Variants in CRPPA observed in about 807,000 individuals in gnomAD.
CRPPA encodes CDP-L-ribitol pyrophosphorylase A.
CRPPA carries 43 observed loss-of-function variants against 52.0 expected under a neutral mutation model. That is an observed-to-expected ratio of 0.83 (90% confidence interval 0.65 to 1.07). CRPPA has a LOEUF of 1.07. Among genes scored for constraint, CRPPA ranks in the 50% least tolerant of loss-of-function variants. CRPPA has a pLI of 0.00. For missense variants in CRPPA, 629 were observed against 551.7 expected, an observed-to-expected ratio of 1.14 and a Z score of -1.40; for synonymous variants, 250 against 203.5, an observed-to-expected ratio of 1.23 and a Z score of -1.94.
At chr7:16,419,681 C>G (rs112796046) in intron 1 of CRPPA, among the ~76,000 whole-genome samples, 5,567 of 152,114 alleles carry the variant, frequency 0.037, 180 homozygotes, top group African/African-American at 0.094. Flanking sequence ...AGTAATCTGT[C>G]TCAACCAGTT....
At chr7:16,389,028 A>C (rs1251515227) in intron 2 of CRPPA, among the ~76,000 whole-genome samples, 1 of 152,248 alleles carries the variant, frequency 6.6e-6, no homozygotes, top group African/African-American at 2.4e-5. Context: ...GATAAAATTA[A>C]CATATTCCTA....
chr7:16,275,003 G>A lies in CRPPA; in HGVS notation c.933+3126C>T, dbSNP rs1784170959. 2.6e-5 allele frequency among the ~76,000 whole-genome samples: 4 copies of A among 152,118 alleles called. No individual in the cohort carries two copies. In the South Asian group the frequency reaches 8.3e-4, roughly 32 times the overall value. ...AGGCACGAGAATCATTTGAACCTGG[G>A]AGGCGTAGGTTGTGGTGAGCTGAGA... On this transcript the variant is annotated intron_variant, in intron 6 of 9. Coordinates refer to ENST00000407010, the MANE Select transcript of CRPPA (RefSeq NM_001101426.4).
intron 9 of CRPPA, among the ~76,000 whole-genome samples, chr7:16,178,061 C>CAAAA (rs5882558): frequency 7.3e-6 from 1 of 136,768 alleles, no homozygotes. Flanking sequence ...TAAAAGAAGG[C>CAAAA]AAAAAAAAAA....
At chr7:16,233,069 A>C (rs1181990544) in intron 8 of CRPPA, among the ~76,000 whole-genome samples, 3 of 152,102 alleles carry the variant, frequency 2.0e-5, no homozygotes, top group Non-Finnish European at 2.9e-5. Context: ...CACTAGAAAT[A>C]ATTAACAGAA....
At chr7:16,392,745 C>T (rs2128315113) in intron 2 of CRPPA, among the ~76,000 whole-genome samples, 1 of 152,210 alleles carries the variant, frequency 6.6e-6, no homozygotes. Context: ...ACTATATTCA[C>T]TCATTTTTAT....
Position 16,201,807 on chromosome 7 carries a change from T to C in CRPPA, c.1251+14259A>G, listed in dbSNP as rs369095634. 8.5e-5 allele frequency among the ~76,000 whole-genome samples: 13 copies of C among 152,322 alleles called. No homozygotes were observed. In the South Asian group the frequency reaches 2.1e-3, roughly 24 times the overall value. ...GTAAAACTTTTGAGCTCTTAAATAA[T>C]TGTATTATTTGCAAATAATGACTGA... On this transcript the variant is annotated intron_variant, in intron 9 of 9. Coordinates refer to ENST00000407010, the MANE Select transcript of CRPPA (RefSeq NM_001101426.4).
intron 8 of CRPPA, among the ~76,000 whole-genome samples, chr7:16,229,965 G>GT (rs1183371909): frequency 6.6e-6 from 1 of 151,554 alleles, no homozygotes; most frequent in Non-Finnish European, 1.5e-5. Context: ...ATATCCTTTT[G>GT]TTTTTTCCTG....
intron 3 of CRPPA, among the ~76,000 whole-genome samples, chr7:16,333,203 A>G (rs539012081): frequency 2.0e-5 from 3 of 152,202 alleles, no homozygotes; most frequent in Non-Finnish European, 4.4e-5. Context: ...GGACATACTC[A>G]ATGCAAATAC....
chr7:16,366,434 T>C (rs1417326916), intron 3 of CRPPA, among the ~76,000 whole-genome samples: 1 of 152,144 alleles, frequency 6.6e-6, no homozygotes, highest in African/African-American at 2.4e-5. Flanking sequence ...TTAAAGATCA[T>C]TAAAAGCTAC....
intron 6 of CRPPA, among the ~76,000 whole-genome samples, chr7:16,266,683 T>C (rs536454134): frequency 7.0e-4 from 106 of 152,204 alleles, no homozygotes; most frequent in African/African-American, 2.4e-3. Flanking sequence ...TTCACCATAT[T>C]GGCCAGGCTG....
intron 3 of CRPPA, among the ~76,000 whole-genome samples, chr7:16,374,352 A>C (rs1786825620): frequency 6.6e-6 from 1 of 152,068 alleles, no homozygotes; most frequent in South Asian, 2.1e-4. Flanking sequence ...CTGCACTCTC[A>C]ACTTCTCTAC....
chr7:16,171,482 T>C (rs1329782029), intron 9 of CRPPA, among the ~76,000 whole-genome samples: 1 of 152,118 alleles, frequency 6.6e-6, no homozygotes, highest in Non-Finnish European at 1.5e-5. Flanking sequence ...CATTTTCTCT[T>C]AAAAATAAGT....
intron 8 of CRPPA, among the ~76,000 whole-genome samples, chr7:16,229,177 CA>C (rs1340261751): frequency 6.6e-6 from 1 of 151,930 alleles, no homozygotes; most frequent in African/African-American, 2.4e-5. Context: ...TGTGTCCTTA[CA>C]GGTAAAATTA....
At chr7:16,201,998 T>G (rs1199678414) in intron 9 of CRPPA, among the ~76,000 whole-genome samples, 1 of 152,156 alleles carries the variant, frequency 6.6e-6, no homozygotes, top group African/African-American at 2.4e-5. Flanking sequence ...TGATGTTAGA[T>G]TTAGATTTTT....
At chr7:16,410,031 C>T (rs1040350320) in intron 1 of CRPPA, among the ~76,000 whole-genome samples, 2 of 152,150 alleles carry the variant, frequency 1.3e-5, no homozygotes, top group African/African-American at 4.8e-5. Context: ...AAAGGAGGCT[C>T]TCATTACCCT....
intron 6 of CRPPA, among the ~76,000 whole-genome samples, chr7:16,260,482 A>G (rs1783766087): frequency 1.3e-5 from 2 of 152,066 alleles, no homozygotes; most frequent in South Asian, 4.1e-4. Context: ...GAATTCAGAA[A>G]AAAACCGAGT....
At chr7:16,155,867 C>T (rs556252017) in intron 9 of CRPPA, among the ~76,000 whole-genome samples, 1 of 151,984 alleles carries the variant, frequency 6.6e-6, no homozygotes, top group South Asian at 2.1e-4. Context: ...AAAAGAAACA[C>T]AATAATAGAG....
intron 4 of CRPPA, among the ~76,000 whole-genome samples, chr7:16,303,477 TAAAAAAAAAAA>T (rs545663821): frequency 0.039 from 1,754 of 45,004 alleles, 131 homozygotes; most frequent in African/African-American, 0.14. Flanking sequence ...CATAAAATAG[TAAAAAAAAAAA>T]AAAAAAAAAA....
At chr7:16,302,159 G>C (rs1360489028) in intron 4 of CRPPA, among the ~76,000 whole-genome samples, 1 of 152,026 alleles carries the variant, frequency 6.6e-6, no homozygotes, top group African/African-American at 2.4e-5. Context: ...AGCCAGGCGC[G>C]GTGGCGGGCG....
Sources: gnomAD v4.1 joint callset for allele counts (sites outside exome capture counted in the v4.1 genomes callset) on GRCh38, gnomAD v4.1.1 for gene constraint, MANE v1.5 for transcripts, NCBI Gene and HGNC (gene_info 2026-07-23, HGNC 2026-07-21) for gene names.